FAM3C: variants seen among roughly 807,000 people sequenced by gnomAD.
The protein encoded by FAM3C is FAM3 metabolism regulating signaling molecule C.
Under a neutral mutation model 32.5 loss-of-function variants are expected in FAM3C, and 15 were observed. That is an observed-to-expected ratio of 0.46 (90% CI 0.31 to 0.71). FAM3C has a LOEUF of 0.71. Among genes scored for constraint, FAM3C ranks in the 30% least tolerant of loss-of-function variants. The pLI is 0.05. For synonymous variants in FAM3C, 75 were observed against 86.1 expected (o/e 0.87, Z 0.72); for missense variants, 175 against 274.4 (o/e 0.64, Z 2.56).
At chr7:121,378,807 TCA>T (rs1794292745) in intron 3 of FAM3C, 101 bp downstream of exon 3, 1 of 525,876 alleles carries the variant, frequency 1.9e-6, no homozygotes. Context: ...TATATAATAA[TCA>T]CATTTCGTTT....
rs1355825254 is a variant in FAM3C, at chr7:121,350,308, T to C, written c.*153A>G. 7.6e-6 allele frequency: 5 copies of C among 653,760 alleles called. No individual in the cohort carries two copies. The highest frequency in any genetic ancestry group is 1.3e-5 in the Non-Finnish European group (5 of 381,856). The allele number at this position is 653,760 out of a possible 1,614,324, so 40.5% of individuals were successfully genotyped here. On this transcript the variant is annotated 3_prime_UTR_variant, in exon 10 of 10. Transcript: ENST00000359943. ...TATTTACAATGCTATCTATTTACGTTAGCAATAAATAATCCTGATATCAAA... is the reference window on the plus strand; with the variant it reads ...TATTTACAATGCTATCTATTTACGTCAGCAATAAATAATCCTGATATCAAA...
intron 7 of FAM3C, 75 bp from the exon 8 acceptor site, chr7:121,360,202 T>C (rs1793892010): frequency 1.3e-6 from 1 of 781,562 alleles, no homozygotes. Flanking sequence ...AAAGTAGTAT[T>C]ATAAAACATG....
intron 4 of FAM3C, 43 bp downstream of exon 4, chr7:121,372,067 G>GAAT (rs780390402): frequency 3.2e-5 from 47 of 1,483,386 alleles, no homozygotes; most frequent in Non-Finnish European, 4.1e-5. Flanking sequence ...ATATGCCTAA[G>GAAT]GCAGAATAAA....
At chr7:121,366,260 C>T (rs1467142752) in intron 5 of FAM3C, among the ~76,000 whole-genome samples, 1 of 152,088 alleles carries the variant, frequency 6.6e-6, no homozygotes, top group Non-Finnish European at 1.5e-5. Context: ...AAATGTTACT[C>T]ATTATAGTTA....
intron 3 of FAM3C, among the ~76,000 whole-genome samples, chr7:121,375,138 C>T (rs1248136709): frequency 2.0e-5 from 3 of 152,136 alleles, no homozygotes; most frequent in Admixed American, 1.3e-4. Context: ...AGATTAAAAT[C>T]AGTGCCAAAT....
intron 7 of FAM3C, among the ~76,000 whole-genome samples, chr7:121,361,875 C>T (rs368239434): frequency 1.3e-5 from 2 of 152,230 alleles, no homozygotes; most frequent in South Asian, 4.1e-4. Context: ...GACGGGGTTT[C>T]GCTGTGTTAG....
At chr7:121,369,091 TGC>T (rs1794089619) in intron 5 of FAM3C, among the ~76,000 whole-genome samples, 1 of 151,446 alleles carries the variant, frequency 6.6e-6, no homozygotes, top group African/African-American at 2.4e-5. Flanking sequence ...GAGATTCTCG[TGC>T]CTCAGCCTCC....
chr7:121,386,692 CAT>C (rs60030100), intron 1 of FAM3C, among the ~76,000 whole-genome samples: 46,803 of 146,810 alleles, frequency 0.32, 7,823 homozygotes, highest in African/African-American at 0.45. Context: ...CACACGCACA[CAT>C]ATATATATAT....
chr7:121,369,043 G>A (rs921195158), intron 5 of FAM3C, among the ~76,000 whole-genome samples: 7 of 145,732 alleles, frequency 4.8e-5, no homozygotes, highest in East Asian at 2.1e-4. Flanking sequence ...GCAGTGGTGC[G>A]ATCTTGGCCC....
chr7:121,371,275 T>C, intron 5 of FAM3C, 25 bp downstream of exon 5: 1 of 1,610,948 alleles, frequency 6.2e-7, no homozygotes, highest in Non-Finnish European at 8.5e-7. Flanking sequence ...GCACACCTTA[T>C]CGTCTCAAGT....
chr7:121,385,775 A>G (rs1232273353), intron 1 of FAM3C, among the ~76,000 whole-genome samples: 1 of 152,152 alleles, frequency 6.6e-6, no homozygotes, highest in African/African-American at 2.4e-5. Context: ...ATTTACCAGG[A>G]GGGGGATTTC....
At chr7:121,390,520 AT>A (rs889621137) in intron 1 of FAM3C, among the ~76,000 whole-genome samples, 1 of 152,166 alleles carries the variant, frequency 6.6e-6, no homozygotes, top group Non-Finnish European at 1.5e-5. Context: ...TAGCCACAAG[AT>A]TGGAAATTAG....
intron 8 of FAM3C, among the ~76,000 whole-genome samples, chr7:121,353,957 G>A (rs1793759741): frequency 6.6e-6 from 1 of 152,154 alleles, no homozygotes; most frequent in African/African-American, 2.4e-5. Flanking sequence ...CTAACACATA[G>A]CCCTGTGTAT....
intron 8 of FAM3C, among the ~76,000 whole-genome samples, chr7:121,357,262 C>T (rs1315715992): frequency 6.6e-6 from 1 of 152,142 alleles, no homozygotes; most frequent in Non-Finnish European, 1.5e-5. Flanking sequence ...CCTGCTTTCT[C>T]TGGTTAACAT....
At chr7:121,367,080 C>G (rs180694145) in intron 5 of FAM3C, among the ~76,000 whole-genome samples, 72 of 152,238 alleles carry the variant, frequency 4.7e-4, no homozygotes, top group Middle Eastern at 3.4e-3. Context: ...CAGAAAATCT[C>G]TAACAAATAA....
At chr7:121,377,663 G>A (rs1375301983) in intron 3 of FAM3C, among the ~76,000 whole-genome samples, 2 of 152,176 alleles carry the variant, frequency 1.3e-5, no homozygotes, top group African/African-American at 4.8e-5. Context: ...TGACATTTCA[G>A]TCAACAACAG....
intron 6 of FAM3C, 152 bp from the exon 7 acceptor site, chr7:121,363,099 T>C (rs1005906225): frequency 3.8e-6 from 2 of 523,296 alleles, no homozygotes; most frequent in African/African-American, 2.0e-5. Flanking sequence ...TCTCAAAGAA[T>C]TACTTTGAGA....
chr7:121,376,408 G>T (rs1455771999), intron 3 of FAM3C, among the ~76,000 whole-genome samples: 1 of 152,190 alleles, frequency 6.6e-6, no homozygotes, highest in Non-Finnish European at 1.5e-5. Context: ...GCAGAAACAA[G>T]ATCAGTGAAC....
intron 3 of FAM3C, among the ~76,000 whole-genome samples, chr7:121,378,151 G>A (rs1395295441): frequency 6.6e-6 from 1 of 151,934 alleles, no homozygotes; most frequent in Non-Finnish European, 1.5e-5. Flanking sequence ...TGTATAACTG[G>A]TTCATATGAA....
Sources: allele counts gnomAD v4.1 joint callset (sites outside exome capture counted in the v4.1 genomes callset), GRCh38; gene constraint gnomAD v4.1.1; transcripts MANE v1.5; gene names NCBI Gene and HGNC (gene_info 2026-07-23, HGNC 2026-07-21).